The following MYO9B variants were observed in gnomAD, a reference collection of about 807,000 sequenced individuals.
MYO9B encodes unconventional myosin-IXb.
In MYO9B, 71 loss-of-function variants were observed where a neutral mutation model predicts 229.5. The ratio of observed to expected loss-of-function variants is 0.31; its 90% CI spans 0.26 to 0.38. The LOEUF (loss-of-function observed/expected upper bound fraction) is 0.38. MYO9B is among the 10% of genes least tolerant of loss of function. The pLI, the probability that MYO9B is intolerant of heterozygous loss-of-function variation, is 1.00. For synonymous variants in MYO9B, 1,185 were observed against 1,235.8 expected, an observed-to-expected ratio of 0.96 and a Z score of 0.86; for missense variants, 2,255 against 2,920.5, an observed-to-expected ratio of 0.77 and a Z score of 5.25.
intron 1 of MYO9B, among the ~76,000 whole-genome samples, chr19:17,077,735 G>A (rs890036963): frequency 2.0e-5 from 3 of 152,030 alleles, no homozygotes; most frequent in Admixed American, 6.5e-5. Context: ...CCCAGCTCCC[G>A]GCCTTGAACT....
intron 2 of MYO9B, among the ~76,000 whole-genome samples, chr19:17,105,519 C>T (rs548692545): frequency 1.0e-3 from 154 of 152,032 alleles, no homozygotes; most frequent in African/African-American, 3.6e-3. Flanking sequence ...GAGGAGATTC[C>T]TCCATGTCTT....
At chr19:17,205,448 G>A (rs2073149991) in intron 31 of MYO9B, 112 bp downstream of exon 31, 2 of 976,328 alleles carry the variant, frequency 2.0e-6, no homozygotes, top group Non-Finnish European at 3.2e-6. Flanking sequence ...AGCCAGTAGG[G>A]GGCGGCTGTG....
At chr19:17,158,314 G>A (rs571312241) in intron 7 of MYO9B, among the ~76,000 whole-genome samples, 4 of 152,264 alleles carry the variant, frequency 2.6e-5, no homozygotes, top group South Asian at 4.1e-4. Context: ...GCTCACGCCT[G>A]TAATCCCAGC....
At position 17,152,680 on chromosome 19, in the gene MYO9B, C is replaced by T; in HGVS notation, c.972C>T (p.Arg324=). The T allele has an allele frequency of 1.2e-6, 2 of 1,613,464 alleles. No individual in the cohort carries two copies. The highest frequency in any genetic ancestry group is 1.7e-6 in the Non-Finnish European group (2 of 1,179,694). Residue 324 remains arginine (R), a synonymous_variant, in exon 4 of 40, where the codon CGC becomes CGT. Coordinates refer to ENST00000682292, the MANE Select transcript of MYO9B (RefSeq NM_004145.4). ...VVEKYLLEKS[R]LVSQEKDERN... is the part of the protein sequence containing the mutation. ...AGAAATATCTGCTTGAAAAGTCTCGCCTGGTGTCTCAGGAGAAGGATGAGA... is the reference window on the plus strand; with the variant it reads ...AGAAATATCTGCTTGAAAAGTCTCGTCTGGTGTCTCAGGAGAAGGATGAGA...
intron 2 of MYO9B, among the ~76,000 whole-genome samples, chr19:17,120,649 A>C (rs1424073800): frequency 6.6e-6 from 1 of 151,570 alleles, no homozygotes; most frequent in African/African-American, 2.4e-5. Context: ...AAAAAAAAAA[A>C]AAAAAAAAAA....
Position 17,088,527 on chromosome 19 carries a change from G to A in MYO9B, c.-59+12653G>A, listed in dbSNP as rs2057605789. Among the ~76,000 whole-genome samples the A allele has an allele frequency of 2.0e-5, 3 of 152,148 alleles. No individual in the cohort carries two copies. The South Asian group carries it at 6.2e-4, about 32-fold the overall frequency. ...GCTCCCCGAGGAGTTTCCCATCCCT[G>A]CTCTGTCCCACCCCTAGGACCTGGC... On this transcript the variant is annotated intron_variant, in intron 1 of 39. Coordinates refer to ENST00000682292, the MANE Select transcript of MYO9B (RefSeq NM_004145.4).
In MYO9B at chr19:17,174,133, CA is replaced by C. The variant is rs532941395; in HGVS notation, c.2140+1171del. Among the ~76,000 whole-genome samples the C allele has an allele frequency of 5.3e-5, 8 of 149,846 alleles. No homozygotes were observed. The East Asian group carries it at 1.6e-3, about 30-fold the overall frequency. On this transcript the variant is annotated intron_variant, in intron 13 of 39. Transcript: ENST00000682292. Reference sequence around the variant, plus strand: ...CAGGCCCCGCCTCCCGGGTTCACGCCATTCTCCTGCCTCAGCCTCCTAAGTA... The same window carrying C: ...CAGGCCCCGCCTCCCGGGTTCACGCCTTCTCCTGCCTCAGCCTCCTAAGTA...
chr19:17,126,039 C>G (rs2058014347), intron 2 of MYO9B, among the ~76,000 whole-genome samples: 1 of 152,218 alleles, frequency 6.6e-6, no homozygotes, highest in African/African-American at 2.4e-5. Context: ...ACACCCACCC[C>G]CTTCGCAGGG....
At chr19:17,122,847 A>G (rs988128891) in intron 2 of MYO9B, among the ~76,000 whole-genome samples, 2 of 152,114 alleles carry the variant, frequency 1.3e-5, no homozygotes, top group Admixed American at 6.6e-5. Flanking sequence ...TGTAATCCCA[A>G]CACTTTGGGA....
chr19:17,205,346 C>T lies in MYO9B; in HGVS notation c.5064+10C>T, dbSNP rs768142984. On this transcript the variant is annotated intron_variant, in intron 31 of 39. Coordinates refer to ENST00000682292, the MANE Select transcript of MYO9B (RefSeq NM_004145.4). ...CACCTACGGGAGGAAGGTGAGTGTACGAGGCCTGGAACTTTCTACAATGAC... is the reference window on the plus strand; with the variant it reads ...CACCTACGGGAGGAAGGTGAGTGTATGAGGCCTGGAACTTTCTACAATGAC... 9.3e-6 allele frequency: 15 copies of T among 1,612,458 alleles called. No homozygotes were observed. Among genetic ancestry groups the T allele is most frequent in the East Asian group, 2.2e-5 (1 of 44,874 alleles).
At chr19:17,175,305 G>A (rs554759653) in intron 13 of MYO9B, among the ~76,000 whole-genome samples, 4 of 151,872 alleles carry the variant, frequency 2.6e-5, no homozygotes, top group African/African-American at 9.6e-5. Context: ...AAGGTTGGGG[G>A]GTGTTGCAGA....
At chr19:17,184,843 G>A (rs531720304) in intron 16 of MYO9B, 22 bp from the exon 17 acceptor site, 125 of 1,613,160 alleles carry the variant, frequency 7.7e-5, no homozygotes, top group East Asian at 5.4e-4. Context: ...AGGGCAGGCC[G>A]GACCCCATGT....
At chr19:17,132,774 C>G (rs541132261) in intron 2 of MYO9B, among the ~76,000 whole-genome samples, 3 of 151,050 alleles carry the variant, frequency 2.0e-5, no homozygotes, top group Admixed American at 1.3e-4. Context: ...GTGATCCACC[C>G]ACCTTGGCTT....
intron 2 of MYO9B, among the ~76,000 whole-genome samples, chr19:17,141,346 C>T (rs2072337025): frequency 6.6e-6 from 1 of 152,186 alleles, no homozygotes; most frequent in African/African-American, 2.4e-5. Flanking sequence ...CTGGGTGGCC[C>T]AGCCTCTCAA....
At chr19:17,154,281 G>C in intron 5 of MYO9B, 34 bp from the exon 6 acceptor site, 1 of 1,592,534 alleles carries the variant, frequency 6.3e-7, no homozygotes, top group Non-Finnish European at 8.6e-7. Flanking sequence ...GCCGGCCCAG[G>C]AATGCCCAGA....
chr19:17,190,338 C>T (rs368373328), intron 19 of MYO9B, among the ~76,000 whole-genome samples: 1 of 151,576 alleles, frequency 6.6e-6, no homozygotes, highest in Non-Finnish European at 1.5e-5. Flanking sequence ...GGGTTACAGG[C>T]GCCTGCCACC....
intron 2 of MYO9B, among the ~76,000 whole-genome samples, chr19:17,133,429 C>T (rs1014725472): frequency 3.3e-5 from 5 of 152,018 alleles, no homozygotes; most frequent in African/African-American, 1.2e-4. Flanking sequence ...CCAACCCTGC[C>T]GCCACCCCCG....
At position 17,195,234 on chromosome 19, in the gene MYO9B, C is replaced by T. The variant is rs1243740835; in HGVS notation, c.3807C>T (p.Pro1269=). ...GCCCACCGGCCCCTGGCAGCGCCCC[C>T]GAGACCCCCGAGGACAAGAGCAAAC... The part of the protein sequence containing the change: ...RVSPPAPGSA[P]ETPEDKSKPC... The change falls in exon 22 of 40, where the codon CCC becomes CCT. Residue 1269 remains proline, a synonymous_variant. Coordinates refer to ENST00000682292, the MANE Select transcript of MYO9B (RefSeq NM_004145.4). This position sits in a 1 kb window ranked among gnomAD's most constrained non-coding sequence, Gnocchi z 4.5. 27 of 1,611,964 alleles carry T rather than the reference C, an allele frequency of 1.7e-5. No individual in the cohort carries two copies. The highest frequency in any genetic ancestry group is 5.0e-5 in the Admixed American group (3 of 59,948).
chr19:17,108,775 G>A (rs370338432), intron 2 of MYO9B, among the ~76,000 whole-genome samples: 1 of 152,056 alleles, frequency 6.6e-6, no homozygotes, highest in African/African-American at 2.4e-5. Flanking sequence ...GGAGTGCAGT[G>A]GCACGATCTC....
Sources: gnomAD v4.1 joint callset for allele counts (sites outside exome capture counted in the v4.1 genomes callset) on GRCh38, gnomAD v4.1.1 for gene constraint, Gnocchi (gnomAD v3.1) non-coding constraint, MANE v1.5 for transcripts, NCBI Gene and HGNC (gene_info 2026-07-23, HGNC 2026-07-21) for gene names.